Variants in HDAC9 observed in about 807,000 individuals in gnomAD.
The protein encoded by HDAC9 is histone deacetylase 9.
A neutral mutation model predicts 139.4 loss-of-function variants in HDAC9; 41 were observed. The ratio of observed to expected loss-of-function variants is 0.29; its 90% CI spans 0.23 to 0.38. The LOEUF (loss-of-function observed/expected upper bound fraction) is 0.38. Among genes scored for constraint, HDAC9 ranks in the 10% least tolerant of loss-of-function variants. The pLI is 1.00. For synonymous variants in HDAC9, 517 were observed against 476.2 expected (o/e 1.09, Z -1.12); for missense variants, 1,147 against 1,297.0 (o/e 0.88, Z 1.78).
At chr7:18,416,435 T>C (rs10251073) in intron 1 of HDAC9, among the ~76,000 whole-genome samples, 7,654 of 152,212 alleles carry the variant, frequency 0.05, 351 homozygotes, top group East Asian at 0.2. Context: ...GGTTAGGTAG[T>C]ATTACCTCCT....
rs992044098 is a variant in HDAC9 at position 18,585,378 on chromosome 7, T to C, written c.120T>C (p.Val40=). The change falls in exon 3 of 26, where the codon GTT becomes GTC. Residue 40 remains valine (V), a synonymous_variant. Transcript: ENST00000686413. ...LRMMMPVVDP[V]VREKQLQQEL... is the part of the protein sequence containing the mutation. ...TGATGATGCCCGTGGTGGACCCTGT[T>C]GTCCGTGAGAAGCAATTGCAGCAGG... is the stretch of plus-strand genomic sequence containing the variant. The C allele has an allele frequency of 1.2e-6, 2 of 1,613,928 alleles. No individual in the cohort carries two copies. Among genetic ancestry groups the C allele is most frequent in the Non-Finnish European group, 1.7e-6 (2 of 1,179,880 alleles).
chr7:18,804,367 G>A (rs551664580), intron 17 of HDAC9, among the ~76,000 whole-genome samples: 63 of 152,234 alleles, frequency 4.1e-4, no homozygotes, highest in African/African-American at 1.3e-3. Flanking sequence ...GCATGTACAC[G>A]TCCACCCTCA....
intron 12 of HDAC9, among the ~76,000 whole-genome samples, chr7:18,697,271 G>T (rs764386562): frequency 6.6e-6 from 1 of 152,044 alleles, no homozygotes; most frequent in Non-Finnish European, 1.5e-5. Context: ...TCATTAGCCT[G>T]TTTTTACATT....
chr7:18,194,323 A>T lies in HDAC9; in HGVS notation c.25+31974A>T, dbSNP rs74878890. ...TGTCCTTTGGTTATTTTTCTTTTAG[A>T]CTATTCTGTTTTGTTATTGATTTAT... On this transcript the variant is annotated intron_variant, in intron 2 of 12. Transcript: ENST00000417496. 1.9e-3 allele frequency among the ~76,000 whole-genome samples: 283 copies of T among 151,958 alleles called. 1 individual carries two copies. The highest frequency in any genetic ancestry group is 6.4e-3 in the African/African-American group (264 of 41,440).
intron 1 of HDAC9, among the ~76,000 whole-genome samples, chr7:18,462,998 G>T (rs750606988): frequency 5.5e-4 from 83 of 151,990 alleles, no homozygotes; most frequent in Non-Finnish European, 8.4e-4. Flanking sequence ...GAGAGTGCTG[G>T]TCACTCCAAT....
chr7:18,337,080 T>G (rs1303125729), intron 1 of HDAC9, among the ~76,000 whole-genome samples: 1 of 151,658 alleles, frequency 6.6e-6, no homozygotes, highest in Non-Finnish European at 1.5e-5. Flanking sequence ...AGTAAGATTA[T>G]TTTTCAAAAA....
chr7:18,192,199 A>AT (rs907064037), intron 2 of HDAC9, among the ~76,000 whole-genome samples: 42 of 151,834 alleles, frequency 2.8e-4, no homozygotes, highest in South Asian at 6.2e-4. Context: ...TAGAAAGTTA[A>AT]TTTTTTTTTA....
At chr7:18,352,395 A>G (rs1278246664) in intron 1 of HDAC9, among the ~76,000 whole-genome samples, 2 of 152,180 alleles carry the variant, frequency 1.3e-5, no homozygotes, top group African/African-American at 4.8e-5. Flanking sequence ...CTGTGTTTTG[A>G]AAACTATTTG....
Position 18,666,360 on chromosome 7 carries a change from G to T in HDAC9, c.1615G>T (p.Asp539Tyr). ...STRSDSSACV[D>Y]DTLGQVGAVK... ...TAGGAGCGACAGCAGTGCTTGTGTG[G>T]ATGACACACTGGGACAAGTTGGGGC... Residue 539 changes from aspartate (D) to tyrosine (Y), a missense_variant, in exon 12 of 26, where the codon GAT becomes TAT. This residue lies in a region of HDAC9 where 256 missense variants were observed against 219.2 expected (regional missense o/e 1.17). Coordinates refer to ENST00000686413, the MANE Select transcript of HDAC9 (RefSeq NM_178425.4). 3 of 1,613,364 alleles carry T rather than the reference G, an allele frequency of 1.9e-6. No individual in the cohort carries two copies. The highest frequency in any genetic ancestry group is 2.5e-6 in the Non-Finnish European group (3 of 1,179,602).
At chr7:18,915,415 A>AT (rs59163514) in intron 22 of HDAC9, among the ~76,000 whole-genome samples, 29 of 149,546 alleles carry the variant, frequency 1.9e-4, no homozygotes, top group East Asian at 3.9e-4. Context: ...GCAACAAACT[A>AT]TTTTTTTTTT....
intron 1 of HDAC9, among the ~76,000 whole-genome samples, chr7:18,372,161 T>C (rs1784642650): frequency 6.6e-6 from 1 of 152,234 alleles, no homozygotes; most frequent in South Asian, 2.1e-4. Flanking sequence ...TGAGTAGTTC[T>C]GAAAGTTTCC....
chr7:18,618,554 A>G (rs1363092967), intron 6 of HDAC9, among the ~76,000 whole-genome samples: 1 of 151,948 alleles, frequency 6.6e-6, no homozygotes, highest in Non-Finnish European at 1.5e-5. Context: ...CACCCTAAAT[A>G]GATCTCACCT....
intron 2 of HDAC9, among the ~76,000 whole-genome samples, chr7:18,177,697 G>T (rs1382892001): frequency 1.3e-5 from 2 of 152,162 alleles, no homozygotes; most frequent in African/African-American, 2.4e-5. Context: ...TCTCTAATAG[G>T]CTTAGCTTTT....
chr7:18,258,951 CTTTTTTTTTTTTTTTTTTTTT>C (rs199607615), intron 2 of HDAC9, among the ~76,000 whole-genome samples: 8 of 98,370 alleles, frequency 8.1e-5, no homozygotes, highest in African/African-American at 1.3e-4. Flanking sequence ...TCTTCTTCTC[CTTTTTTTTTTTTTTTTTTTTT>C]TTTTTTTTTT....
At chr7:18,892,343 C>T (rs1275643266) in intron 22 of HDAC9, 1 of 151,958 alleles carries the variant, frequency 6.6e-6, no homozygotes, top group Non-Finnish European at 1.5e-5. Context: ...TATAACAATG[C>T]TATAAGATAA....
At chr7:18,293,676 A>G (rs955779938) in intron 1 of HDAC9, among the ~76,000 whole-genome samples, 13 of 152,062 alleles carry the variant, frequency 8.5e-5, no homozygotes, top group African/African-American at 3.1e-4. Context: ...AGGGTCGGAA[A>G]TTTCTGTATT....
chr7:18,704,235 A>C (rs986729284), intron 12 of HDAC9, among the ~76,000 whole-genome samples: 10 of 152,200 alleles, frequency 6.6e-5, no homozygotes, highest in African/African-American at 2.4e-4. Flanking sequence ...TATCGGATTC[A>C]CCAAGGTGCA....
intron 2 of HDAC9, among the ~76,000 whole-genome samples, chr7:18,248,740 C>T (rs542128572): frequency 2.0e-5 from 3 of 152,296 alleles, no homozygotes; most frequent in Non-Finnish European, 4.4e-5. Context: ...AGGAACGTTT[C>T]CTCCAAGAAC....
intron 1 of HDAC9, among the ~76,000 whole-genome samples, chr7:18,400,008 CT>C (rs1787391778): frequency 6.6e-6 from 1 of 152,166 alleles, no homozygotes; most frequent in Admixed American, 6.6e-5. Context: ...TTACACTGGC[CT>C]ATTCGCATCA....
Sources: allele counts gnomAD v4.1 joint callset (sites outside exome capture counted in the v4.1 genomes callset), GRCh38; gene constraint gnomAD v4.1.1; regional missense constraint gnomAD v4.1.1; transcripts MANE v1.5; gene names NCBI Gene and HGNC (gene_info 2026-07-23, HGNC 2026-07-21).